The following THAP4 variants were observed in gnomAD, a reference collection of about 807,000 sequenced individuals.
The protein encoded by THAP4 is THAP domain containing 4.
Under a neutral mutation model 48.1 loss-of-function variants are expected in THAP4, and 18 were observed. The observed-to-expected ratio is 0.37, with a 90% CI of 0.26 to 0.56. The LOEUF is 0.56. THAP4 is among the 20% of genes least tolerant of loss of function. The probability of loss-of-function intolerance (pLI) is 0.78; values close to 1 mark genes in which losing one functional copy is unlikely to be tolerated. For synonymous variants in THAP4, 345 were observed against 324.9 expected (o/e 1.06, Z -0.66); for missense variants, 656 against 774.9 (o/e 0.85, Z 1.82).
At chr2:241,585,935 A>AAAAG (rs2066890338) in intron 5 of THAP4, among the ~76,000 whole-genome samples, 1 of 146,898 alleles carries the variant, frequency 6.8e-6, no homozygotes, top group African/African-American at 2.5e-5. Context: ...AAAAAGAAAA[A>AAAAG]AAAAAGAAAA....
At chr2:241,590,670 T>A (rs111297177) in intron 5 of THAP4, among the ~76,000 whole-genome samples, 158 of 47,050 alleles carry the variant, frequency 3.4e-3, no homozygotes, top group Middle Eastern at 0.014. Flanking sequence ...ACTAGGACAC[T>A]CAGAGCTGCT....
intron 5 of THAP4, among the ~76,000 whole-genome samples, chr2:241,590,784 C>G: frequency 6.6e-6 from 1 of 151,540 alleles, no homozygotes; most frequent in African/African-American, 2.4e-5. Context: ...GGCACTAGGA[C>G]ACTCAGAGCT....
At chr2:241,615,025 C>A (rs1368424739) in intron 2 of THAP4, among the ~76,000 whole-genome samples, 1 of 152,248 alleles carries the variant, frequency 6.6e-6, no homozygotes, top group Non-Finnish European at 1.5e-5. Context: ...AAGAAGTCTA[C>A]TGTCTGATCA....
At chr2:241,609,262 A>T (rs2067231047) in intron 2 of THAP4, among the ~76,000 whole-genome samples, 1 of 152,244 alleles carries the variant, frequency 6.6e-6, no homozygotes, top group Admixed American at 6.5e-5. Flanking sequence ...GTAAGAAAAG[A>T]TGGTAACGGA....
At chr2:241,604,285 T>C (rs1411101734) in intron 3 of THAP4, among the ~76,000 whole-genome samples, 1 of 151,920 alleles carries the variant, frequency 6.6e-6, no homozygotes, top group East Asian at 1.9e-4. Flanking sequence ...AGTTTCTCTC[T>C]TGTTGCCCAG....
In THAP4 at chr2:241,605,339, A is replaced by G. The variant is rs555779553; in HGVS notation, c.1400+975T>C. On this transcript the variant is annotated intron_variant, in intron 3 of 5. Coordinates refer to ENST00000407315, the MANE Select transcript of THAP4 (RefSeq NM_015963.6). Reference sequence around the variant, plus strand: ...ATACAAATAGTACCAAGTTGGTTTAATAAGATTCTTAACATATAGTTGTGT... The same window carrying G: ...ATACAAATAGTACCAAGTTGGTTTAGTAAGATTCTTAACATATAGTTGTGT... 1.6e-3 allele frequency among the ~76,000 whole-genome samples: 243 copies of G among 152,354 alleles called. 2 individuals carry two copies. The highest frequency in any genetic ancestry group is 5.4e-3 in the Admixed American group (82 of 15,290).
At chr2:241,619,634 C>G (rs2067386038) in intron 2 of THAP4, among the ~76,000 whole-genome samples, 1 of 152,178 alleles carries the variant, frequency 6.6e-6, no homozygotes, top group Non-Finnish European at 1.5e-5. Flanking sequence ...CTGGAGTGTG[C>G]AGCATGGGCA....
At position 241,633,966 on chromosome 2, in the gene THAP4, C is replaced by T; in HGVS notation, c.191G>A (p.Ser64Asn). ...CTGGTCCTCCAGCCTCTTGGAGAAG[C>T]TGTCTTTGGTGAAATGCTCACTACA... ...FLCSEHFTKDSFSKRLEDQHR... is the reference protein window; with the variant it reads ...FLCSEHFTKDNFSKRLEDQHR... The change falls in exon 2 of 6, where the codon AGC (serine) becomes AAC (asparagine). Residue 64 changes from serine to asparagine, a missense_variant. Ser to Asn is a conservative substitution (Grantham distance 46). Coordinates refer to ENST00000407315, the MANE Select transcript of THAP4 (RefSeq NM_015963.6). The surrounding 1 kb of genome is among the most constrained non-coding windows in gnomAD (Gnocchi z 7.5). The T allele has an allele frequency of 1.2e-6, 2 of 1,614,206 alleles. No individual in the cohort carries two copies. The highest frequency in any genetic ancestry group is 8.5e-7 in the Non-Finnish European group (1 of 1,180,040).
At chr2:241,595,873 G>A (rs973404893) in intron 5 of THAP4, among the ~76,000 whole-genome samples, 3 of 152,162 alleles carry the variant, frequency 2.0e-5, no homozygotes, top group Non-Finnish European at 2.9e-5. Flanking sequence ...GACCAGCCCC[G>A]GAACGACCCT....
At chr2:241,615,935 C>T (rs1392884379) in intron 2 of THAP4, among the ~76,000 whole-genome samples, 3 of 152,178 alleles carry the variant, frequency 2.0e-5, no homozygotes, top group African/African-American at 4.8e-5. Context: ...TGGTTCTAGA[C>T]ACAGGCCCAG....
intron 5 of THAP4, among the ~76,000 whole-genome samples, chr2:241,600,727 CAAAAAA>C (rs35546566): frequency 3.4e-5 from 3 of 88,784 alleles, no homozygotes; most frequent in African/African-American, 1.3e-4. Context: ...GACTCCGTCT[CAAAAAA>C]AAAAAAAAAA....
At chr2:241,603,181 T>A in intron 3 of THAP4, 102 bp from the exon 4 acceptor site, 3 of 853,366 alleles carry the variant, frequency 3.5e-6, no homozygotes, top group Non-Finnish European at 5.8e-6. Flanking sequence ...AGGTGGCTGC[T>A]CCAGCCACAC....
At chr2:241,604,377 G>A (rs540118522) in intron 3 of THAP4, among the ~76,000 whole-genome samples, 5 of 152,078 alleles carry the variant, frequency 3.3e-5, no homozygotes, top group South Asian at 2.1e-4. Context: ...CAGCCTTACC[G>A]AGTAGCTGGG....
At chr2:241,634,283 T>C (rs1441749597) in intron 1 of THAP4, among the ~76,000 whole-genome samples, 1 of 152,226 alleles carries the variant, frequency 6.6e-6, no homozygotes, top group Non-Finnish European at 1.5e-5. Context: ...ACCCGTTGTC[T>C]ACCCATACAG....
chr2:241,617,507 G>A, intron 2 of THAP4: 4 of 1,535,400 alleles, frequency 2.6e-6, no homozygotes, highest in Admixed American at 2.1e-5. Context: ...GGCTCTTAAT[G>A]GCTCTGCAGG....
At chr2:241,588,463 G>A (rs1354712568) in intron 5 of THAP4, among the ~76,000 whole-genome samples, 4 of 152,170 alleles carry the variant, frequency 2.6e-5, no homozygotes, top group Non-Finnish European at 4.4e-5. Context: ...AGGGTCCTAG[G>A]ATAGCCAAAA....
Position 241,616,698 on chromosome 2 carries a change from C to G in THAP4, c.1241-10225G>C, listed in dbSNP as rs758553973. Reference sequence around the variant, plus strand: ...AGATAGCTCTGAAATTCAGAAGAAACGCTTTTGAGCAGAAAAAATAACATC... The same window carrying G: ...AGATAGCTCTGAAATTCAGAAGAAAGGCTTTTGAGCAGAAAAAATAACATC... On this transcript the variant is annotated intron_variant, in intron 2 of 5. Transcript: ENST00000407315. The surrounding 1 kb of genome is among the most constrained non-coding windows in gnomAD (Gnocchi z 4.6). Among the ~76,000 whole-genome samples, 2 of 152,172 alleles carry G rather than the reference C, an allele frequency of 1.3e-5. No homozygotes were observed. Among genetic ancestry groups the G allele is most frequent in the Middle Eastern group, 3.4e-3 (1 of 292 alleles).
At chr2:241,636,562 C>T (rs2067661587) in intron 1 of THAP4, among the ~76,000 whole-genome samples, 1 of 152,256 alleles carries the variant, frequency 6.6e-6, no homozygotes, top group Non-Finnish European at 1.5e-5. Flanking sequence ...CAGGTCGCGT[C>T]TGCCCGGTCG....
chr2:241,604,599 A>T (rs1478875436), intron 3 of THAP4, among the ~76,000 whole-genome samples: 1 of 151,960 alleles, frequency 6.6e-6, no homozygotes, highest in East Asian at 1.9e-4. Context: ...TAGTAGAGAC[A>T]CAATTTCACC....
Sources: gnomAD v4.1 joint callset for allele counts (sites outside exome capture counted in the v4.1 genomes callset) on GRCh38, gnomAD v4.1.1 for gene constraint, Gnocchi (gnomAD v3.1) non-coding constraint, MANE v1.5 for transcripts, NCBI Gene and HGNC (gene_info 2026-07-23, HGNC 2026-07-21) for gene names.